Variants in PRICKLE2 observed in about 807,000 individuals in gnomAD.
PRICKLE2 encodes the protein prickle planar cell polarity protein 2.
PRICKLE2 carries 21 observed loss-of-function variants against 81.4 expected under a neutral mutation model. The observed-to-expected ratio is 0.26, with a 90% CI of 0.18 to 0.37. PRICKLE2 has a LOEUF of 0.37. PRICKLE2 is among the 10% of genes least tolerant of loss of function. PRICKLE2 has a pLI of 1.00. For missense variants in PRICKLE2, 940 were observed against 1,109.0 expected (o/e 0.85, Z 2.16); for synonymous variants, 456 against 421.5 (o/e 1.08, Z -1.00).
In PRICKLE2 at chr3:64,196,932, T is replaced by C. The variant is rs1229056825; in HGVS notation, c.144+1852A>G. Among the ~76,000 whole-genome samples the C allele has an allele frequency of 2.6e-5, 4 of 152,270 alleles. No individual in the cohort carries two copies. The East Asian group carries it at 7.7e-4, about 29-fold the overall frequency. ...AGACATAAACTTTTACATGAAAAAA[T>C]CTCTAATTTTGAAGTATTAGTAGCT... On this transcript the variant is annotated intron_variant, in intron 2 of 7. Transcript: ENST00000638394.
At chr3:64,183,721 A>G (rs1298647145) in intron 2 of PRICKLE2, among the ~76,000 whole-genome samples, 1 of 152,208 alleles carries the variant, frequency 6.6e-6, no homozygotes, top group Non-Finnish European at 1.5e-5. Flanking sequence ...TTTATAATGG[A>G]AAGAAAATAT....
chr3:64,146,482 G>C (rs551621336), intron 7 of PRICKLE2: 1 of 267,946 alleles, frequency 3.7e-6, no homozygotes, highest in Non-Finnish European at 7.4e-6. Context: ...GGTGGCTCAC[G>C]CCTGTAATCC....
In PRICKLE2 at chr3:64,199,044, C is replaced by T. The variant is rs1018139559; in HGVS notation, c.-40-77G>A. The T allele has an allele frequency of 3.7e-6, 5 of 1,340,630 alleles. No individual in the cohort carries two copies. The African/African-American group carries it at 5.8e-5, about 16-fold the overall frequency. The allele number at this position is 1,340,630 out of a possible 1,614,324, so 83.0% of individuals were successfully genotyped here. Reference sequence around the variant, plus strand: ...TTCCAAGAGCCTGCCAGTCACTAGCCCCTGGATCCCAAACCATAAACACAT... The same window carrying T: ...TTCCAAGAGCCTGCCAGTCACTAGCTCCTGGATCCCAAACCATAAACACAT... On this transcript the variant is annotated intron_variant, in intron 1 of 7. Coordinates refer to ENST00000638394, the MANE Select transcript of PRICKLE2 (RefSeq NM_198859.4).
At chr3:64,204,214 A>C (rs1334178621) in intron 1 of PRICKLE2, among the ~76,000 whole-genome samples, 1 of 152,198 alleles carries the variant, frequency 6.6e-6, no homozygotes, top group African/African-American at 2.4e-5. Flanking sequence ...AGTGCTACTG[A>C]AAACCAGAAA....
chr3:64,241,096 G>T (rs963724409), intron 2 of PRICKLE2, among the ~76,000 whole-genome samples: 3 of 152,226 alleles, frequency 2.0e-5, no homozygotes, highest in African/African-American at 4.8e-5. Context: ...ACTCAACTCT[G>T]CTGTCATAGA....
chr3:64,204,616 A>G (rs1028182260), intron 1 of PRICKLE2, among the ~76,000 whole-genome samples: 3 of 151,906 alleles, frequency 2.0e-5, no homozygotes, highest in Non-Finnish European at 4.4e-5. Context: ...AAGCAAAACC[A>G]AGGAGGGGGG....
chr3:64,227,506 A>G (rs957924909), upstream of PRICKLE2, among the ~76,000 whole-genome samples: 2 of 152,250 alleles, frequency 1.3e-5, no homozygotes, highest in African/African-American at 4.8e-5. Context: ...AATAAAGAAG[A>G]CAGCTGAAAC....
intron 7 of PRICKLE2, chr3:64,100,355 C>T (rs2076639291): frequency 1.2e-5 from 2 of 172,160 alleles, no homozygotes; most frequent in South Asian, 2.8e-4. Flanking sequence ...CTGGATCATG[C>T]CCAAGCTGTT....
intron 2 of PRICKLE2, among the ~76,000 whole-genome samples, chr3:64,247,586 A>G (rs2079376863): frequency 6.6e-6 from 1 of 152,200 alleles, no homozygotes; most frequent in South Asian, 2.1e-4. Context: ...AGCAATTAGG[A>G]GCAAGGCAAA....
chr3:64,172,346 A>G (rs1377150893), intron 2 of PRICKLE2, among the ~76,000 whole-genome samples: 1 of 152,264 alleles, frequency 6.6e-6, no homozygotes, highest in Admixed American at 6.5e-5. Context: ...AACAGTTTCA[A>G]TACTGCCTTT....
chr3:64,258,214 G>A (rs746122935), intron 2 of PRICKLE2, among the ~76,000 whole-genome samples: 26 of 152,156 alleles, frequency 1.7e-4, no homozygotes, highest in Non-Finnish European at 3.7e-4. Flanking sequence ...CATCTTGGAT[G>A]AAAGTACTGT....
chr3:64,158,567 T>C (rs2077676644), intron 4 of PRICKLE2, among the ~76,000 whole-genome samples: 1 of 152,190 alleles, frequency 6.6e-6, no homozygotes, highest in African/African-American at 2.4e-5. Flanking sequence ...CTCTTGGCAC[T>C]ATTCTACACA....
intron 2 of PRICKLE2, among the ~76,000 whole-genome samples, chr3:64,253,437 T>A (rs1327632482): frequency 6.6e-6 from 1 of 152,182 alleles, no homozygotes; most frequent in South Asian, 2.1e-4. Flanking sequence ...CTTCCCCAGT[T>A]ACTCTCTCAT....
chr3:64,221,463 A>C (rs1298498429), intron 1 of PRICKLE2, among the ~76,000 whole-genome samples: 1 of 151,462 alleles, frequency 6.6e-6, no homozygotes, highest in African/African-American at 2.4e-5. Flanking sequence ...ACACACGCAC[A>C]CACACAGCAT....
intron 7 of PRICKLE2, among the ~76,000 whole-genome samples, chr3:64,114,919 A>T (rs988777545): frequency 5.9e-5 from 9 of 152,130 alleles, no homozygotes; most frequent in South Asian, 2.1e-4. Context: ...AGGTCAAAAT[A>T]AAAGAAAAAA....
At position 64,094,871 on chromosome 3, in the gene PRICKLE2, GC is replaced by G. The variant is rs1437069749; in HGVS notation, c.*4179del. On this transcript the variant is annotated 3_prime_UTR_variant, in exon 8 of 8. Coordinates refer to ENST00000638394, the MANE Select transcript of PRICKLE2 (RefSeq NM_198859.4). Reference sequence around the variant, plus strand: ...GGCTTGGCTACTGAGTCTTGCATATGCAAATGCTGTCTGCAGAGCCCATTTT... The same window carrying G: ...GGCTTGGCTACTGAGTCTTGCATATGAAATGCTGTCTGCAGAGCCCATTTT... 2.6e-5 allele frequency: 4 copies of G among 152,636 alleles called. No homozygotes were observed. Among genetic ancestry groups the G allele is most frequent in the Non-Finnish European group, 5.9e-5 (4 of 68,036 alleles). 9.5% of individuals were successfully genotyped at this position (152,636 alleles called of 1,614,324 possible).
At position 64,099,152 on chromosome 3, in the gene PRICKLE2, T is replaced by C. The variant is rs1285920791; in HGVS notation, c.2434A>G (p.Lys812Glu). The C allele has an allele frequency of 3.7e-6, 6 of 1,614,092 alleles. No individual in the cohort carries two copies. The highest frequency in any genetic ancestry group is 1.3e-5 in the African/African-American group (1 of 74,944). Residue 812 changes from lysine to glutamate, a missense_variant, in exon 8 of 8, where the codon AAA becomes GAA. Coordinates refer to ENST00000638394, the MANE Select transcript of PRICKLE2 (RefSeq NM_198859.4). This position sits in a 1 kb window ranked among gnomAD's most constrained non-coding sequence, Gnocchi z 4.3. The part of the protein sequence containing the change: ...RYVTSDELLH[K>E]YSSYGLPKSS... ...TTGGGGAGGCCGTAGGAGCTGTATT[T>C]GTGCAGCAGCTCATCGCTTGTGACG...
At chr3:64,187,704 G>A (rs1355756939) in intron 2 of PRICKLE2, 1 of 152,268 alleles carries the variant, frequency 6.6e-6, no homozygotes, top group Non-Finnish European at 1.5e-5. Flanking sequence ...CTTGGGAGAT[G>A]AACCATTTTA....
chr3:64,191,287 G>A (rs1259219574), intron 2 of PRICKLE2, among the ~76,000 whole-genome samples: 3 of 152,090 alleles, frequency 2.0e-5, no homozygotes, highest in East Asian at 3.9e-4. Flanking sequence ...GCTGACTCAG[G>A]GCAATAGTAA....
Sources: gnomAD v4.1 joint callset for allele counts (sites outside exome capture counted in the v4.1 genomes callset) on GRCh38, gnomAD v4.1.1 for gene constraint, Gnocchi (gnomAD v3.1) non-coding constraint, MANE v1.5 for transcripts, NCBI Gene and HGNC (gene_info 2026-07-23, HGNC 2026-07-21) for gene names.